Variants in SYNJ2 observed in about 807,000 individuals in gnomAD.
SYNJ2 encodes the protein polyphosphatidylinositol phosphatase SYNJ2.
Under a neutral mutation model 141.3 loss-of-function variants are expected in SYNJ2, and 116 were observed. The ratio of observed to expected loss-of-function variants is 0.82; its 90% confidence interval spans 0.71 to 0.96. The LOEUF is 0.96. Among genes scored for constraint, SYNJ2 ranks in the 40% least tolerant of loss-of-function variants. The pLI is 0.00. For missense variants in SYNJ2, 1,873 were observed against 1,934.8 expected (o/e 0.97, Z 0.60); for synonymous variants, 745 against 777.7 (o/e 0.96, Z 0.70).
At chr6:158,068,096 C>T (rs1272697181) in intron 12 of SYNJ2, 2 of 460,652 alleles carry the variant, frequency 4.3e-6, no homozygotes, top group Non-Finnish European at 5.6e-6. Context: ...GCTGTGGTTA[C>T]TATTGCCAAG....
rs775229719 is a variant in SYNJ2 at position 158,068,664 on chromosome 6, G to T, written c.1735G>T (p.Asp579Tyr). The change falls in exon 13 of 27, where the codon GAC becomes TAC. Residue 579 changes from aspartate (D) to tyrosine (Y), a missense_variant. Transcript: ENST00000355585. ...CTCCCCAGATGACAGCAGCCCAGCT[G>T]ACATATTTGCTGTGGGGTTTGAAGA... ...TDSQDDSSPA[D>Y]IFAVGFEEMV... 1 of 1,614,248 alleles carries T rather than the reference G, an allele frequency of 6.2e-7. No individual in the cohort carries two copies. Among genetic ancestry groups the T allele is most frequent in the Non-Finnish European group, 8.5e-7 (1 of 1,180,034 alleles).
chr6:158,092,522 C>T (rs916447498), intron 25 of SYNJ2, among the ~76,000 whole-genome samples: 3 of 152,300 alleles, frequency 2.0e-5, no homozygotes, highest in Middle Eastern at 3.4e-3. Context: ...CACCAGTAGT[C>T]CCAGCTACTT....
intron 1 of SYNJ2, among the ~76,000 whole-genome samples, chr6:158,011,447 G>A (rs908450326): frequency 1.3e-5 from 2 of 152,210 alleles, no homozygotes; most frequent in Admixed American, 6.5e-5. Flanking sequence ...GTCAAGGCCT[G>A]TTTTGAGCTC....
chr6:158,084,314 C>G lies in SYNJ2; in HGVS notation c.3208+140C>G. The G allele has an allele frequency of 1.1e-6, 1 of 936,810 alleles. No homozygotes were observed. Among genetic ancestry groups the G allele is most frequent in the Non-Finnish European group, 1.6e-6 (1 of 632,654 alleles). 58.0% of individuals were successfully genotyped at this position (936,810 alleles called of 1,614,324 possible). On this transcript the variant is annotated intron_variant, in intron 22 of 26. Transcript: ENST00000355585. The surrounding 1 kb of genome is among the most constrained non-coding windows in gnomAD (Gnocchi z 5.0). Reference sequence around the variant, plus strand: ...AGAGACCTCAACCAGGCAGGCCAAGCGAGGGGTAGGGACTGAGCCCTGTGG... The same window carrying G: ...AGAGACCTCAACCAGGCAGGCCAAGGGAGGGGTAGGGACTGAGCCCTGTGG...
At chr6:157,986,363 G>A (rs1056896573) in intron 1 of SYNJ2, among the ~76,000 whole-genome samples, 2 of 152,148 alleles carry the variant, frequency 1.3e-5, no homozygotes, top group Non-Finnish European at 2.9e-5. Context: ...TGTTTGAGAC[G>A]GAGTCTCTTT....
Position 158,089,849 on chromosome 6 carries a change from G to T in SYNJ2, c.3467G>T (p.Arg1156Leu). The change falls in exon 25 of 27, where the codon CGG (arginine) becomes CTG (leucine). Residue 1156 changes from arginine to leucine, a missense_variant. Physicochemically the swap from Arg to Leu is moderately radical, Grantham distance 102. Transcript: ENST00000355585. ...PGAPQQPPKARTGISKPYNVK... is the reference protein window; with the variant it reads ...PGAPQQPPKALTGISKPYNVK... ...CATTCTGTCCTCAAGCCCAAGGCTC[G>T]GACTGGAATAAGTAAACCTTATAAT... 2 of 1,613,582 alleles carry T rather than the reference G, an allele frequency of 1.2e-6. No homozygotes were observed. The highest frequency in any genetic ancestry group is 1.7e-6 in the Non-Finnish European group (2 of 1,179,770).
At chr6:158,045,500 CTGTAT>C (rs1378453199) in intron 5 of SYNJ2, among the ~76,000 whole-genome samples, 3 of 152,180 alleles carry the variant, frequency 2.0e-5, no homozygotes, top group African/African-American at 4.8e-5. Flanking sequence ...TGAATTCCTC[CTGTAT>C]TGCACTGCTG....
At chr6:158,022,843 C>T (rs1016039519) in intron 2 of SYNJ2, among the ~76,000 whole-genome samples, 1 of 152,214 alleles carries the variant, frequency 6.6e-6, no homozygotes, top group Admixed American at 6.5e-5. Context: ...GGAGGGGCCT[C>T]ACACACCTGG....
At chr6:158,017,493 C>T in intron 2 of SYNJ2, 1 of 658,692 alleles carries the variant, frequency 1.5e-6, no homozygotes, top group Non-Finnish European at 2.4e-6. Context: ...CGGCTCACCA[C>T]AACCTCTGCC....
At chr6:158,019,836 A>G (rs1778664445) in intron 2 of SYNJ2, among the ~76,000 whole-genome samples, 1 of 152,266 alleles carries the variant, frequency 6.6e-6, no homozygotes, top group Non-Finnish European at 1.5e-5. Flanking sequence ...CACCCTGAGC[A>G]TCTGAAGGAT....
intron 1 of SYNJ2, among the ~76,000 whole-genome samples, chr6:157,993,908 T>C (rs6910479): frequency 0.37 from 53,024 of 143,108 alleles, 10,861 homozygotes; most frequent in African/African-American, 0.58. Context: ...TCCGCCTCCC[T>C]GGTTCACACC....
chr6:158,025,360 A>G (rs1013644798), intron 2 of SYNJ2, among the ~76,000 whole-genome samples: 5 of 152,208 alleles, frequency 3.3e-5, no homozygotes, highest in Non-Finnish European at 7.3e-5. Flanking sequence ...TAGCAGGTAC[A>G]CTGGTTGACC....
At chr6:158,054,004 A>C (rs1387840272) in intron 5 of SYNJ2, among the ~76,000 whole-genome samples, 2 of 139,260 alleles carry the variant, frequency 1.4e-5, no homozygotes, top group African/African-American at 5.6e-5. Context: ...CCATCCATCT[A>C]TCCATTCAGT....
chr6:158,014,238 G>A (rs1287140362), intron 1 of SYNJ2, among the ~76,000 whole-genome samples: 3 of 152,228 alleles, frequency 2.0e-5, no homozygotes, highest in African/African-American at 7.2e-5. Flanking sequence ...TACCTCTATG[G>A]TGTTTGGTAG....
At chr6:158,033,919 C>G (rs544751230) in intron 4 of SYNJ2, among the ~76,000 whole-genome samples, 2 of 152,140 alleles carry the variant, frequency 1.3e-5, no homozygotes, top group Non-Finnish European at 2.9e-5. Flanking sequence ...GCTGCTTAGC[C>G]GAGGTATTTT....
chr6:157,990,276 C>G (rs1056215652), intron 1 of SYNJ2, among the ~76,000 whole-genome samples: 1 of 152,166 alleles, frequency 6.6e-6, no homozygotes, highest in Admixed American at 6.5e-5. Flanking sequence ...ACATGGGGCT[C>G]TCGGGCACCT....
rs1195692117 is a variant in SYNJ2 at position 157,982,873 on chromosome 6, C to G, written c.127+785C>G. 6.6e-6 allele frequency among the ~76,000 whole-genome samples: 1 copy of G among 152,234 alleles called. No individual in the cohort carries two copies. Among genetic ancestry groups the G allele is most frequent in the Non-Finnish European group, 1.5e-5 (1 of 68,042 alleles). On this transcript the variant is annotated intron_variant, in intron 1 of 26. Coordinates refer to ENST00000355585, the MANE Select transcript of SYNJ2 (RefSeq NM_003898.4). This position sits in a 1 kb window ranked among gnomAD's most constrained non-coding sequence, Gnocchi z 4.0. ...TTTTATGTGGCTGTTTCTGTAATGTCATTCAATGCGTGGCTTCCTGGTATC... is the reference window on the plus strand; with the variant it reads ...TTTTATGTGGCTGTTTCTGTAATGTGATTCAATGCGTGGCTTCCTGGTATC...
intron 5 of SYNJ2, among the ~76,000 whole-genome samples, chr6:158,046,644 G>T (rs1471692778): frequency 6.6e-6 from 1 of 152,178 alleles, no homozygotes; most frequent in East Asian, 1.9e-4. Context: ...AGAGGGTGGT[G>T]GATGAGGATT....
rs541302665 is a variant in SYNJ2 at position 158,013,824 on chromosome 6, G to A, written c.128-3380G>A. On this transcript the variant is annotated intron_variant, in intron 1 of 26. Coordinates refer to ENST00000355585, the MANE Select transcript of SYNJ2 (RefSeq NM_003898.4). Reference sequence around the variant, plus strand: ...TTTCCATGTTTTGTGCTTTTTCTTCGTGGTTTCACTGTTTGAAAGTGCTGT... The same window carrying A: ...TTTCCATGTTTTGTGCTTTTTCTTCATGGTTTCACTGTTTGAAAGTGCTGT... Among the ~76,000 whole-genome samples, 42 of 152,242 alleles carry A rather than the reference G, an allele frequency of 2.8e-4. No individual in the cohort carries two copies. The Middle Eastern group carries it at 0.017, about 62-fold the overall frequency.
Sources: gnomAD v4.1 joint callset for allele counts (sites outside exome capture counted in the v4.1 genomes callset) on GRCh38, gnomAD v4.1.1 for gene constraint, Gnocchi (gnomAD v3.1) non-coding constraint, MANE v1.5 for transcripts, NCBI Gene and HGNC (gene_info 2026-07-23, HGNC 2026-07-21) for gene names.